Variants in NRG1 observed in about 807,000 individuals in gnomAD.
The protein encoded by NRG1 is neuregulin 1.
In NRG1, 18 loss-of-function variants were observed where a neutral mutation model predicts 63.8. That is an observed-to-expected ratio of 0.28 (90% CI 0.19 to 0.42). The LOEUF (loss-of-function observed/expected upper bound fraction) is 0.42, where lower values mean the gene tolerates loss of function less well. Among genes scored for constraint, NRG1 ranks in the 10% least tolerant of loss-of-function variants. NRG1 has a pLI of 1.00. For missense variants in NRG1, 762 were observed against 814.7 expected (o/e 0.94, Z 0.79); for synonymous variants, 302 against 301.3 (o/e 1.00, Z -0.02).
At chr8:32,611,743 A>G (rs1482622177) in intron 3 of NRG1, among the ~76,000 whole-genome samples, 1 of 152,116 alleles carries the variant, frequency 6.6e-6, no homozygotes, top group Non-Finnish European at 1.5e-5. Context: ...TTGTATGTAC[A>G]GCAGTGACAT....
At chr8:32,011,556 C>T (rs1364252457) in intron 1 of NRG1, among the ~76,000 whole-genome samples, 1 of 152,086 alleles carries the variant, frequency 6.6e-6, no homozygotes, top group Non-Finnish European at 1.5e-5. Flanking sequence ...TTGCAGCTGA[C>T]AATTATTGTT....
At chr8:31,659,809 A>C (rs1331348917) in intron 1 of NRG1, among the ~76,000 whole-genome samples, 1 of 152,218 alleles carries the variant, frequency 6.6e-6, no homozygotes, top group Non-Finnish European at 1.5e-5. Flanking sequence ...AGAACTGGGC[A>C]AGATGAAAAC....
chr8:32,635,676 A>G (rs1399711224), intron 5 of NRG1, among the ~76,000 whole-genome samples: 1 of 152,134 alleles, frequency 6.6e-6, no homozygotes, highest in Non-Finnish European at 1.5e-5. Context: ...AATGTTTTAC[A>G]TTGTCATTGC....
intron 1 of NRG1, among the ~76,000 whole-genome samples, chr8:31,695,880 C>T (rs947874970): frequency 1.3e-5 from 2 of 151,880 alleles, no homozygotes; most frequent in Admixed American, 1.3e-4. Context: ...ATATAAGAAG[C>T]TTAGAATTGT....
At chr8:31,940,742 A>C (rs112312488) in intron 1 of NRG1, among the ~76,000 whole-genome samples, 5,661 of 152,198 alleles carry the variant, frequency 0.037, 364 homozygotes, top group African/African-American at 0.13. Context: ...ATAAAAATAC[A>C]AAAGATTATT....
intron 1 of NRG1, among the ~76,000 whole-genome samples, chr8:31,953,274 A>G (rs1803784152): frequency 6.6e-6 from 1 of 152,212 alleles, no homozygotes; most frequent in Middle Eastern, 3.2e-3. Flanking sequence ...GGATAGAGGG[A>G]TAGATAAATG....
chr8:32,664,122 A>G (rs1803547351), intron 5 of NRG1, among the ~76,000 whole-genome samples: 1 of 152,182 alleles, frequency 6.6e-6, no homozygotes, highest in Non-Finnish European at 1.5e-5. Context: ...AGAAAAACAG[A>G]TTAAGCACTT....
chr8:31,906,111 C>T (rs1832498848), intron 1 of NRG1, among the ~76,000 whole-genome samples: 1 of 152,166 alleles, frequency 6.6e-6, no homozygotes, highest in Admixed American at 6.5e-5. Context: ...TGGAATGACC[C>T]CAACTCAAGG....
chr8:32,317,682 C>T (rs924442809), intron 1 of NRG1, among the ~76,000 whole-genome samples: 2 of 152,136 alleles, frequency 1.3e-5, no homozygotes, highest in African/African-American at 2.4e-5. Flanking sequence ...AAAGACAAAA[C>T]AGAAATAAAG....
At chr8:32,105,088 G>A (rs1585322148) in intron 1 of NRG1, among the ~76,000 whole-genome samples, 3 of 152,008 alleles carry the variant, frequency 2.0e-5, no homozygotes, top group South Asian at 4.1e-4. Context: ...GTATGTTTAC[G>A]CTAGCATCAC....
intron 2 of NRG1, among the ~76,000 whole-genome samples, chr8:32,600,325 GACACACACAC>G (rs5890665): frequency 6.7e-6 from 1 of 149,472 alleles, no homozygotes; most frequent in African/African-American, 2.5e-5. Context: ...AGCAGTGTTG[GACACACACAC>G]ACACACACAC....
At chr8:32,289,869 T>C (rs904731678) in intron 1 of NRG1, among the ~76,000 whole-genome samples, 4 of 152,166 alleles carry the variant, frequency 2.6e-5, no homozygotes, top group African/African-American at 9.7e-5. Flanking sequence ...ATTTACTCGA[T>C]TTAACATTTT....
chr8:31,918,825 C>T (rs1482775276), intron 1 of NRG1, among the ~76,000 whole-genome samples: 1 of 102,250 alleles, frequency 9.8e-6, no homozygotes, highest in Admixed American at 1.1e-4. Flanking sequence ...GTGAATCCAT[C>T]TGGTCCTGGA....
intron 1 of NRG1, among the ~76,000 whole-genome samples, chr8:32,069,562 A>G (rs968389867): frequency 6.6e-6 from 1 of 152,072 alleles, no homozygotes. Flanking sequence ...GGGATGGGGA[A>G]TTTTCTTAGA....
intron 1 of NRG1, among the ~76,000 whole-genome samples, chr8:32,476,255 C>T (rs2129491829): frequency 6.6e-6 from 1 of 152,222 alleles, no homozygotes; most frequent in Admixed American, 6.5e-5. Context: ...GTAAAGAATT[C>T]CAGAGCTGGC....
chr8:32,083,732 A>G (rs552850573), intron 1 of NRG1, among the ~76,000 whole-genome samples: 2 of 152,226 alleles, frequency 1.3e-5, no homozygotes, highest in Non-Finnish European at 2.9e-5. Context: ...GGGAGGGGGA[A>G]ATTAGAAAAC....
chr8:32,284,493 T>TGCCTGCCTGCCTG (rs1563269790), intron 1 of NRG1, among the ~76,000 whole-genome samples: 548 of 27,566 alleles, frequency 0.02, 6 homozygotes, highest in African/African-American at 0.051. Context: ...CTGCCTGCCT[T>TGCCTGCCTGCCTG]CCTTCCTTCC....
At chr8:32,037,671 G>A (rs939348916) in intron 1 of NRG1, among the ~76,000 whole-genome samples, 1 of 152,178 alleles carries the variant, frequency 6.6e-6, no homozygotes, top group Non-Finnish European at 1.5e-5. Flanking sequence ...GGAGGAATGG[G>A]TCAAGGTTCT....
At chr8:31,979,463 C>G (rs575038524) in intron 1 of NRG1, among the ~76,000 whole-genome samples, 1 of 152,076 alleles carries the variant, frequency 6.6e-6, no homozygotes, top group African/African-American at 2.4e-5. Flanking sequence ...TCTTCAACTC[C>G]CAACTCCTGT....
Sources: allele counts gnomAD v4.1 joint callset (sites outside exome capture counted in the v4.1 genomes callset), GRCh38; gene constraint gnomAD v4.1.1; transcripts MANE v1.5; gene names NCBI Gene and HGNC (gene_info 2026-07-23, HGNC 2026-07-21).